The following CIDEC variants were observed in gnomAD, a reference collection of about 807,000 sequenced individuals.
CIDEC encodes the protein lipid transferase CIDEC.
Under a neutral mutation model 21.9 loss-of-function variants are expected in CIDEC, and 11 were observed. The ratio of observed to expected loss-of-function variants is 0.50; its 90% CI spans 0.32 to 0.83. The LOEUF is 0.83. CIDEC is among the 40% of genes least tolerant of loss of function. CIDEC has a pLI of 0.04. For synonymous variants in CIDEC, 127 were observed against 124.9 expected, an observed-to-expected ratio of 1.02 and a Z score of -0.11; for missense variants, 302 against 302.3, an observed-to-expected ratio of 1.00 and a Z score of 0.01.
chr3:9,872,181 CT>C (rs60836522), intron 4 of CIDEC, among the ~76,000 whole-genome samples: 75 of 144,564 alleles, frequency 5.2e-4, no homozygotes, highest in African/African-American at 1.5e-3. Context: ...GATGCTGAGC[CT>C]TTTTTTTTTG....
Position 9,867,158 on chromosome 3 carries a change from C to T in CIDEC, c.693G>A (p.Pro231=), listed in dbSNP as rs772707494. ...PPKGKASSLI[P]TCLKILQ ...TTCACTGCAGTATCTTCAGACAGGTCGGGATAAGGGATGAGGCCTTGCCCT... is the reference window on the plus strand; with the variant it reads ...TTCACTGCAGTATCTTCAGACAGGTTGGGATAAGGGATGAGGCCTTGCCCT... Residue 231 remains proline (P), a synonymous_variant, in exon 7 of 7, where the codon CCG becomes CCA. Coordinates refer to ENST00000336832, the MANE Select transcript of CIDEC (RefSeq NM_001321142.2). 2.5e-5 allele frequency: 41 copies of T among 1,613,598 alleles called. No homozygotes were observed. The highest frequency in any genetic ancestry group is 1.8e-4 in the Middle Eastern group (1 of 5,656).
intron 4 of CIDEC, chr3:9,870,557 A>G (rs2082334361): frequency 7.8e-7 from 1 of 1,277,842 alleles, no homozygotes; most frequent in Non-Finnish European, 1.1e-6. Flanking sequence ...TCTAAAAGTT[A>G]CCCTCTAAAA....
intron 4 of CIDEC, among the ~76,000 whole-genome samples, chr3:9,872,111 C>A (rs2082356555): frequency 2.0e-5 from 3 of 152,032 alleles, no homozygotes; most frequent in Admixed American, 2.0e-4. Flanking sequence ...CAACACCCAG[C>A]CATATATCCA....
intron 4 of CIDEC, among the ~76,000 whole-genome samples, chr3:9,876,854 G>A (rs1265768573): frequency 6.6e-6 from 1 of 151,218 alleles, no homozygotes; most frequent in Non-Finnish European, 1.5e-5. Flanking sequence ...CTGACCTACT[G>A]ATAGTGTAGG....
intron 6 of CIDEC, among the ~76,000 whole-genome samples, chr3:9,868,708 T>A: frequency 6.6e-6 from 1 of 152,212 alleles, no homozygotes. Flanking sequence ...TACAAATGAC[T>A]CTGGTCCATA....
chr3:9,867,184 T>C lies in CIDEC; in HGVS notation c.667A>G (p.Lys223Glu), dbSNP rs370635418. 1.6e-5 allele frequency: 26 copies of C among 1,613,868 alleles called. No individual in the cohort carries two copies. Among genetic ancestry groups the C allele is most frequent in the African/African-American group, 1.2e-4 (9 of 74,932 alleles). ...GGGATAAGGGATGAGGCCTTGCCCT[T>C]GGGGGGCTGCCCTTCCTCCGTAGCA... is the stretch of plus-strand genomic sequence containing the variant. ...LDATEEGQPP[K>E]GKASSLIPTC... is the part of the protein sequence containing the mutation. Residue 223 changes from lysine (K) to glutamate (E), a missense_variant, in exon 7 of 7, where the codon AAG becomes GAG. Physicochemically the swap from Lys to Glu is moderately conservative, Grantham distance 56. Transcript: ENST00000336832.
intron 4 of CIDEC, among the ~76,000 whole-genome samples, chr3:9,875,827 T>C (rs1014159000): frequency 3.3e-5 from 5 of 152,202 alleles, no homozygotes; most frequent in Admixed American, 2.0e-4. Flanking sequence ...TAGTTTGCAA[T>C]TGCTTCCTCC....
At chr3:9,873,623 C>CAA in intron 4 of CIDEC, among the ~76,000 whole-genome samples, 1 of 144,570 alleles carries the variant, frequency 6.9e-6, no homozygotes, top group South Asian at 2.2e-4. Flanking sequence ...CTCACCGTCT[C>CAA]AAAAAAAAAA....
chr3:9,877,051 C>T lies in CIDEC; in HGVS notation c.207+15G>A, dbSNP rs761388511. The stretch of plus-strand genomic sequence containing the variant: ...CAGCTCACAGCTGGGCTGTGCAACG[C>T]GCAGGTGCTCTCACCTTGAGGAGGA... On this transcript the variant is annotated intron_variant, in intron 4 of 6. Coordinates refer to ENST00000336832, the MANE Select transcript of CIDEC (RefSeq NM_001321142.2). 41 of 1,549,240 alleles carry T rather than the reference C, an allele frequency of 2.6e-5. No individual in the cohort carries two copies. Among genetic ancestry groups the T allele is most frequent in the Middle Eastern group, 1.7e-4 (1 of 5,960 alleles).
At chr3:9,876,268 G>A (rs932080811) in intron 4 of CIDEC, among the ~76,000 whole-genome samples, 7 of 152,150 alleles carry the variant, frequency 4.6e-5, no homozygotes, top group Admixed American at 4.6e-4. Flanking sequence ...GAGGTCGGGA[G>A]TTTGAGACCA....
chr3:9,878,591 C>A, intron 2 of CIDEC, 80 bp from the exon 3 acceptor site: 2 of 1,360,148 alleles, frequency 1.5e-6, no homozygotes, highest in Non-Finnish European at 1.0e-6. Context: ...AGGTGCAACC[C>A]AACCCCTGTT....
At chr3:9,871,983 G>GT (rs901742677) in intron 4 of CIDEC, among the ~76,000 whole-genome samples, 5 of 151,380 alleles carry the variant, frequency 3.3e-5, no homozygotes, top group South Asian at 2.1e-4. Flanking sequence ...TTTGTTTTTT[G>GT]TTTTTTTAAT....
At chr3:9,878,676 G>T in intron 2 of CIDEC, 165 bp from the exon 3 acceptor site, 1 of 1,394,674 alleles carries the variant, frequency 7.2e-7, no homozygotes, top group Non-Finnish European at 9.8e-7. Context: ...CCGGCCCCAT[G>T]CATGCCAACC....
At chr3:9,878,283 G>A in intron 3 of CIDEC, 151 bp downstream of exon 3, 1 of 706,882 alleles carries the variant, frequency 1.4e-6, no homozygotes, top group South Asian at 1.5e-5. Context: ...TCTTGGCAGT[G>A]CAAAATCTCG....
intron 1 of CIDEC, among the ~76,000 whole-genome samples, chr3:9,879,666 C>T (rs1366189391): frequency 6.6e-6 from 1 of 152,172 alleles, no homozygotes; most frequent in African/African-American, 2.4e-5. Context: ...AGATAGTTCC[C>T]TCCACCTGTA....
Position 9,867,211 on chromosome 3 carries a change from C to T in CIDEC, c.640G>A (p.Asp214Asn), listed in dbSNP as rs774200069. 30 of 1,613,960 alleles carry T rather than the reference C, an allele frequency of 1.9e-5. No individual in the cohort carries two copies. Among genetic ancestry groups the T allele is most frequent in the East Asian group, 2.2e-5 (1 of 44,906 alleles). ...GTSCYLQQLL[D>N]ATEEGQPPKG... ...GGGGGCTGCCCTTCCTCCGTAGCATCGAGGAGCTGCTGCAGGTAACAGGAG... is the reference window on the plus strand; with the variant it reads ...GGGGGCTGCCCTTCCTCCGTAGCATTGAGGAGCTGCTGCAGGTAACAGGAG... Residue 214 changes from aspartate to asparagine, a missense_variant, in exon 7 of 7, where the codon GAT becomes AAT. By Grantham distance (23) the Asp-to-Asn change is conservative. Transcript: ENST00000336832.
chr3:9,878,664 G>T, intron 2 of CIDEC, 153 bp from the exon 3 acceptor site: 1 of 1,331,984 alleles, frequency 7.5e-7, no homozygotes, highest in Non-Finnish European at 1.0e-6. Flanking sequence ...CCCTTCTCCT[G>T]TCCGGCCCCA....
chr3:9,879,911 C>T (rs9860117), intron 1 of CIDEC, among the ~76,000 whole-genome samples: 26,338 of 152,124 alleles, frequency 0.17, 2,712 homozygotes, highest in African/African-American at 0.28. Flanking sequence ...GGTAGGGCTT[C>T]GCAGAGCAAG....
chr3:9,873,435 G>A (rs904309049), intron 4 of CIDEC, among the ~76,000 whole-genome samples: 2 of 152,182 alleles, frequency 1.3e-5, no homozygotes, highest in African/African-American at 4.8e-5. Flanking sequence ...GGCTAACACG[G>A]TGAAACCCTG....
Sources: allele counts gnomAD v4.1 joint callset (sites outside exome capture counted in the v4.1 genomes callset), GRCh38; gene constraint gnomAD v4.1.1; transcripts MANE v1.5; gene names NCBI Gene and HGNC (gene_info 2026-07-23, HGNC 2026-07-21).